NEK1: variants seen among roughly 807,000 people sequenced by gnomAD.
NEK1 encodes the protein serine/threonine-protein kinase Nek1.
Under a neutral mutation model 182.1 loss-of-function variants are expected in NEK1, and 137 were observed. That is an observed-to-expected ratio of 0.75 (90% CI 0.65 to 0.87). The LOEUF is 0.87. NEK1 is among the 40% of genes least tolerant of loss of function. The pLI is 0.00. For missense variants in NEK1, 1,391 were observed against 1,494.4 expected (o/e 0.93, Z 1.14); for synonymous variants, 513 against 492.2 (o/e 1.04, Z -0.56).
At chr4:169,606,287 C>T (rs1771324045) in intron 2 of NEK1, among the ~76,000 whole-genome samples, 1 of 149,410 alleles carries the variant, frequency 6.7e-6, no homozygotes, top group African/African-American at 2.5e-5. Context: ...TTTACCTCTA[C>T]TACTTGTCCA....
chr4:169,509,786 G>A (rs1179894347), intron 19 of NEK1, among the ~76,000 whole-genome samples: 4 of 151,996 alleles, frequency 2.6e-5, no homozygotes, highest in African/African-American at 9.7e-5. Context: ...TAAAGAAAAT[G>A]TGAATCATTT....
At chr4:169,408,001 T>G (rs892738034) in intron 31 of NEK1, among the ~76,000 whole-genome samples, 1 of 152,226 alleles carries the variant, frequency 6.6e-6, no homozygotes, top group African/African-American at 2.4e-5. Context: ...TTGCTGAATT[T>G]CCCACTGTCT....
At position 169,561,882 on chromosome 4, in the gene NEK1, T is replaced by C; in HGVS notation, c.1090A>G (p.Arg364Gly). The change falls in exon 14 of 36, where the codon AGA becomes GGA. Residue 364 changes from arginine to glycine, a missense_variant. Physicochemically the swap from Arg to Gly is moderately radical, Grantham distance 125. Transcript: ENST00000507142. ...TCAATAAATTCCAGCCTTCTCTTTC[T>C]TGCTGCTTCCTTAAATAAAAAAAAG... ...ERRKISEEAA[R>G]KRRLEFIEKE... 4 of 1,604,144 alleles carry C rather than the reference T, an allele frequency of 2.5e-6. No individual in the cohort carries two copies. The highest frequency in any genetic ancestry group is 3.4e-6 in the Non-Finnish European group (4 of 1,176,638).
At chr4:169,504,267 C>T (rs778145406) in intron 23 of NEK1, among the ~76,000 whole-genome samples, 6 of 151,962 alleles carry the variant, frequency 3.9e-5, no homozygotes, top group Non-Finnish European at 8.8e-5. Flanking sequence ...CTCTTACACT[C>T]GTACACTGTT....
At chr4:169,575,232 G>C (rs1289317402) in intron 12 of NEK1, among the ~76,000 whole-genome samples, 1 of 152,160 alleles carries the variant, frequency 6.6e-6, no homozygotes, top group Non-Finnish European at 1.5e-5. Context: ...AAACCAGCAG[G>C]CCAGTTACCA....
At chr4:169,447,957 G>A (rs1438008212) in intron 27 of NEK1, among the ~76,000 whole-genome samples, 1 of 152,122 alleles carries the variant, frequency 6.6e-6, no homozygotes, top group Non-Finnish European at 1.5e-5. Flanking sequence ...GGCTGAGGTG[G>A]GAGGATTGCT....
At position 169,408,572 on chromosome 4, in the gene NEK1, C is replaced by T. The variant is rs1579356038; in HGVS notation, c.3223-1825G>A. Among the ~76,000 whole-genome samples the T allele has an allele frequency of 3.3e-5, 5 of 152,172 alleles. No homozygotes were observed. The South Asian group carries it at 1.0e-3, about 31-fold the overall frequency. ...TTCTGATATTGGTGCACGCAACACC[C>T]GAGCAGTGTACACTGTACCCAACGT... is the stretch of plus-strand genomic sequence containing the variant. On this transcript the variant is annotated intron_variant, in intron 31 of 35. Transcript: ENST00000507142.
chr4:169,518,392 CTCT>C (rs1447759876), intron 19 of NEK1, among the ~76,000 whole-genome samples: 4 of 138,532 alleles, frequency 2.9e-5, no homozygotes, highest in South Asian at 2.3e-4. Context: ...TGATTCTTCT[CTCT>C]TTTTTTCTTT....
At chr4:169,433,407 CTATT>C in intron 29 of NEK1, 134 bp downstream of exon 29, 1 of 779,150 alleles carries the variant, frequency 1.3e-6, no homozygotes. Flanking sequence ...ATATGAATAT[CTATT>C]CAAATTAAGT....
chr4:169,459,486 A>T (rs941796003), intron 27 of NEK1, among the ~76,000 whole-genome samples: 1 of 152,192 alleles, frequency 6.6e-6, no homozygotes, highest in East Asian at 1.9e-4. Flanking sequence ...ACAAAACTAA[A>T]CATACTCTTA....
intron 2 of NEK1, among the ~76,000 whole-genome samples, chr4:169,610,577 T>C (rs988231447): frequency 4.7e-4 from 72 of 152,140 alleles, no homozygotes; most frequent in African/African-American, 1.7e-3. Flanking sequence ...CCTCCCAAAC[T>C]GCTGGGATTA....
At chr4:169,471,186 T>C (rs1745891673) in intron 26 of NEK1, among the ~76,000 whole-genome samples, 1 of 152,198 alleles carries the variant, frequency 6.6e-6, no homozygotes, top group South Asian at 2.1e-4. Flanking sequence ...TGTGATACTT[T>C]GGAGGAGAAG....
At position 169,537,807 on chromosome 4, in the gene NEK1, AC is replaced by A; in HGVS notation, c.1665+1del. 6.2e-7 allele frequency: 1 copy of A among 1,608,192 alleles called. No homozygotes were observed. On this transcript the variant is annotated splice_donor_variant, in intron 19 of 35. Coordinates refer to ENST00000507142, the MANE Select transcript of NEK1 (RefSeq NM_001199397.3). LOFTEE classifies it high-confidence loss of function. ...AATCTCAGAAACAAACAAAATTCAT[AC>A]CATATGTCCTTCGGCTCGAGCTTTA...
intron 28 of NEK1, among the ~76,000 whole-genome samples, chr4:169,437,206 T>A (rs1012458372): frequency 1.0e-5 from 1 of 99,430 alleles, no homozygotes; most frequent in African/African-American, 4.1e-5. Context: ...TTTGCACATA[T>A]GGAAAACAAA....
At chr4:169,606,185 A>G (rs917471407) in intron 2 of NEK1, among the ~76,000 whole-genome samples, 1 of 151,276 alleles carries the variant, frequency 6.6e-6, no homozygotes, top group African/African-American at 2.4e-5. Flanking sequence ...AATTAAAAGA[A>G]GTCATACTAA....
intron 27 of NEK1, among the ~76,000 whole-genome samples, chr4:169,460,998 G>T (rs1473749761): frequency 6.6e-6 from 1 of 152,130 alleles, no homozygotes; most frequent in Non-Finnish European, 1.5e-5. Flanking sequence ...ATAAGAATTG[G>T]AAGACTAAAA....
chr4:169,508,869 G>A lies in NEK1; in HGVS notation c.1666-17C>T, dbSNP rs183761065. 3,826 of 1,563,304 alleles carry A rather than the reference G, an allele frequency of 2.4e-3. 7 individuals are homozygous for A. Among genetic ancestry groups the A allele is most frequent in the Non-Finnish European group, 3.0e-3 (3,434 of 1,156,462 alleles). Reference sequence around the variant, plus strand: ...CAGGATTCCCTGTTTATCATTTAATGTACTAAGTTTAAAGAATGACTAAGG... The same window carrying A: ...CAGGATTCCCTGTTTATCATTTAATATACTAAGTTTAAAGAATGACTAAGG... On this transcript the variant is annotated splice_polypyrimidine_tract_variant and intron_variant, in intron 19 of 35. Coordinates refer to ENST00000507142, the MANE Select transcript of NEK1 (RefSeq NM_001199397.3).
intron 29 of NEK1, among the ~76,000 whole-genome samples, chr4:169,426,449 C>T (rs1300314906): frequency 6.6e-6 from 1 of 152,182 alleles, no homozygotes; most frequent in Non-Finnish European, 1.5e-5. Flanking sequence ...TTCACAGCAA[C>T]CAGGCTCACC....
Position 169,394,529 on chromosome 4 carries a change from G to T in NEK1, c.3848-6C>A. 1 of 1,378,562 alleles carries T rather than the reference G, an allele frequency of 7.3e-7. No homozygotes were observed. Among genetic ancestry groups the T allele is most frequent in the Non-Finnish European group, 1.0e-6 (1 of 1,004,938 alleles). The allele number at this position is 1,378,562 out of a possible 1,614,324, so 85.4% of individuals were successfully genotyped here. Reference sequence around the variant, plus strand: ...TGAGGATTATTCATCATTATCTGTAGAAAAAAGAAAAAAATTGACTTCATT... The same window carrying T: ...TGAGGATTATTCATCATTATCTGTATAAAAAAGAAAAAAATTGACTTCATT... On this transcript the variant is annotated splice_region_variant and splice_polypyrimidine_tract_variant and intron_variant, in intron 35 of 35. Transcript: ENST00000507142.
Sources: gnomAD v4.1 joint callset for allele counts (sites outside exome capture counted in the v4.1 genomes callset) on GRCh38, gnomAD v4.1.1 for gene constraint, MANE v1.5 for transcripts, NCBI Gene and HGNC (gene_info 2026-07-23, HGNC 2026-07-21) for gene names.